The following APLF variants were observed in gnomAD, a reference collection of about 807,000 sequenced individuals.
The protein encoded by APLF is aprataxin and PNKP like factor.
Under a neutral mutation model 55.6 loss-of-function variants are expected in APLF, and 61 were observed. The ratio of observed to expected loss-of-function variants is 1.10; its 90% CI spans 0.89 to 1.36. APLF has a LOEUF of 1.36. APLF is among the 40% of genes most tolerant of loss of function. APLF has a pLI of 0.00. For missense variants in APLF, 611 were observed against 602.5 expected, an observed-to-expected ratio of 1.01 and a Z score of -0.15; for synonymous variants, 207 against 214.8, an observed-to-expected ratio of 0.96 and a Z score of 0.32.
intron 9 of APLF, among the ~76,000 whole-genome samples, chr2:68,569,495 G>A (rs1671396620): frequency 1.3e-5 from 2 of 152,092 alleles, no homozygotes; most frequent in Non-Finnish European, 2.9e-5. Context: ...CATTTTAATT[G>A]ATGTGGAAAG....
chr2:68,527,918 A>T (rs1670122012), intron 6 of APLF, among the ~76,000 whole-genome samples: 1 of 138,484 alleles, frequency 7.2e-6, no homozygotes, highest in Non-Finnish European at 1.6e-5. Context: ...TTTCAGAGGC[A>T]CTCCTCACTG....
At chr2:68,506,832 G>A (rs1330000668) in intron 3 of APLF, among the ~76,000 whole-genome samples, 1 of 151,964 alleles carries the variant, frequency 6.6e-6, no homozygotes, top group East Asian at 1.9e-4. Context: ...TGAACTAAGA[G>A]AGAGCTCAGG....
intron 7 of APLF, among the ~76,000 whole-genome samples, chr2:68,544,811 G>A (rs576690098): frequency 1.3e-5 from 2 of 152,160 alleles, no homozygotes; most frequent in African/African-American, 4.8e-5. Flanking sequence ...TATCTTAGCA[G>A]AGGGTACAAT....
At chr2:68,576,504 T>C (rs1044522366) in intron 9 of APLF, among the ~76,000 whole-genome samples, 1 of 152,186 alleles carries the variant, frequency 6.6e-6, no homozygotes, top group African/African-American at 2.4e-5. Flanking sequence ...ATCTTGGGGA[T>C]AAATTTGATG....
rs113969954 is a variant in APLF at position 68,482,046 on chromosome 2, A to G, written c.97-8144A>G. Among the ~76,000 whole-genome samples the G allele has an allele frequency of 2.1e-4, 31 of 150,266 alleles. 1 individual carries two copies. Among genetic ancestry groups the G allele is most frequent in the African/African-American group, 7.1e-4 (29 of 41,098 alleles). On this transcript the variant is annotated intron_variant, in intron 1 of 9. Coordinates refer to ENST00000303795, the MANE Select transcript of APLF (RefSeq NM_173545.3). ...ATCTGCATTCTCTTCTATCCTGTTGACTTTCTTAAAGTTATTTTGAATTCT... is the reference window on the plus strand; with the variant it reads ...ATCTGCATTCTCTTCTATCCTGTTGGCTTTCTTAAAGTTATTTTGAATTCT...
chr2:68,507,123 G>A (rs574576079), intron 3 of APLF, among the ~76,000 whole-genome samples: 10 of 151,832 alleles, frequency 6.6e-5, no homozygotes, highest in South Asian at 6.2e-4. Context: ...TGTTTCTATC[G>A]GGGTGGTAGA....
At position 68,567,380 on chromosome 2, in the gene APLF, G is replaced by A. The variant is rs769821015; in HGVS notation, c.1326G>A (p.Thr442=). 2.4e-5 allele frequency: 39 copies of A among 1,598,170 alleles called. No individual in the cohort carries two copies. The highest frequency in any genetic ancestry group is 1.7e-4 in the Middle Eastern group (1 of 6,010). ...ACAAGATAGAATATAGACATAATACGCTTCCAGGTAAGTAAGTTTACTTCA... is the reference window on the plus strand; with the variant it reads ...ACAAGATAGAATATAGACATAATACACTTCCAGGTAAGTAAGTTTACTTCA... ...PQHKIEYRHN[T]LPVRNVLDED... The change falls in exon 9 of 10, where the codon ACG becomes ACA. Residue 442 remains threonine (T), a synonymous_variant. Coordinates refer to ENST00000303795, the MANE Select transcript of APLF (RefSeq NM_173545.3).
intron 1 of APLF, among the ~76,000 whole-genome samples, chr2:68,484,983 C>CGT (rs1185424711): frequency 2.7e-5 from 4 of 146,354 alleles, no homozygotes; most frequent in African/African-American, 1.1e-4. Flanking sequence ...TGTGTGTGTG[C>CGT]GCACATTTTT....
chr2:68,501,456 A>C (rs1056259424), intron 2 of APLF, among the ~76,000 whole-genome samples: 1 of 151,996 alleles, frequency 6.6e-6, no homozygotes, highest in Admixed American at 6.6e-5. Context: ...GATCTGCATT[A>C]TGTAGATTGC....
chr2:68,519,231 T>C (rs1490835873), intron 5 of APLF, among the ~76,000 whole-genome samples: 1 of 139,718 alleles, frequency 7.2e-6, no homozygotes, highest in Non-Finnish European at 1.5e-5. Flanking sequence ...TATTACATAA[T>C]ATATTATATA....
At chr2:68,501,603 T>G (rs1192397426) in intron 2 of APLF, among the ~76,000 whole-genome samples, 1 of 152,198 alleles carries the variant, frequency 6.6e-6, no homozygotes, top group African/African-American at 2.4e-5. Context: ...AGGTCCTTTT[T>G]GTTTTTTGAA....
At chr2:68,514,297 T>A (rs557401363) in intron 5 of APLF, among the ~76,000 whole-genome samples, 1 of 151,988 alleles carries the variant, frequency 6.6e-6, no homozygotes, top group East Asian at 1.9e-4. Flanking sequence ...TTAGTTTTTA[T>A]TGACTGCTTG....
At chr2:68,528,297 T>C (rs1670138768) in intron 6 of APLF, 1 of 1,406,924 alleles carries the variant, frequency 7.1e-7, no homozygotes, top group African/African-American at 1.4e-5. Context: ...AATTTTGATG[T>C]TCTACTTAAC....
At chr2:68,515,439 C>T (rs1162342431) in intron 5 of APLF, among the ~76,000 whole-genome samples, 1 of 151,668 alleles carries the variant, frequency 6.6e-6, no homozygotes, top group East Asian at 1.9e-4. Flanking sequence ...TTAACTTGAC[C>T]AAAAATTGGA....
At chr2:68,561,260 C>T (rs774664327) in intron 8 of APLF, among the ~76,000 whole-genome samples, 1 of 152,076 alleles carries the variant, frequency 6.6e-6, no homozygotes, top group Non-Finnish European at 1.5e-5. Flanking sequence ...AGTGTTATCC[C>T]TCCTTTTCAG....
rs1670180296 is a variant in APLF, at chr2:68,529,426, G to T, written c.804+3184G>T. On this transcript the variant is annotated intron_variant, in intron 6 of 9. Transcript: ENST00000303795. This position sits in a 1 kb window ranked among gnomAD's most constrained non-coding sequence, Gnocchi z 4.4. ...GCCGATGGCATGGCCAGGACCTGCG[G>T]CGGAACCAGGAACAAAATACGCTTA... is the stretch of plus-strand genomic sequence containing the variant. 8.2e-7 allele frequency: 1 copy of T among 1,216,924 alleles called. No individual in the cohort carries two copies. The highest frequency in any genetic ancestry group is 1.0e-6 in the Non-Finnish European group (1 of 975,732). The allele number at this position is 1,216,924 out of a possible 1,614,324, so 75.4% of individuals were successfully genotyped here.
At chr2:68,535,063 C>G (rs889213330) in intron 6 of APLF, among the ~76,000 whole-genome samples, 5 of 152,110 alleles carry the variant, frequency 3.3e-5, no homozygotes, top group Admixed American at 6.6e-5. Flanking sequence ...AAAATATATT[C>G]GAGAACCCCT....
intron 8 of APLF, among the ~76,000 whole-genome samples, chr2:68,559,392 G>A (rs1485330316): frequency 6.6e-6 from 1 of 151,938 alleles, no homozygotes. Context: ...TTTCTTAGGC[G>A]AGCTAATTCA....
chr2:68,518,736 G>A (rs182492401), intron 5 of APLF, among the ~76,000 whole-genome samples: 2 of 109,946 alleles, frequency 1.8e-5, no homozygotes, highest in African/African-American at 4.0e-5. Flanking sequence ...AATATATCAT[G>A]AATATATCAT....
Sources: allele counts gnomAD v4.1 joint callset (sites outside exome capture counted in the v4.1 genomes callset), GRCh38; gene constraint gnomAD v4.1.1; non-coding constraint Gnocchi (gnomAD v3.1); transcripts MANE v1.5; gene names NCBI Gene and HGNC (gene_info 2026-07-23, HGNC 2026-07-21).